ADAM29: variants seen among roughly 807,000 people sequenced by gnomAD.
The protein encoded by ADAM29 is ADAM metallopeptidase domain 29.
For synonymous variants in ADAM29, 367 were observed against 342.3 expected, an observed-to-expected ratio of 1.07 and a Z score of -0.80; for missense variants, 969 against 1,001.8, an observed-to-expected ratio of 0.97 and a Z score of 0.44.
chr4:174,930,414 A>G (rs191985387), intron 2 of ADAM29, among the ~76,000 whole-genome samples: 249 of 152,278 alleles, frequency 1.6e-3, no homozygotes, highest in Non-Finnish European at 3.2e-3. Context: ...TCTTGTGAAA[A>G]AGGCCCTAGC....
intron 2 of ADAM29, among the ~76,000 whole-genome samples, chr4:174,930,449 A>C (rs1743798319): frequency 6.6e-6 from 1 of 152,146 alleles, no homozygotes; most frequent in Non-Finnish European, 1.5e-5. Context: ...CTGCTTACTG[A>C]TTATTTAATG....
intron 4 of ADAM29, among the ~76,000 whole-genome samples, chr4:174,953,290 C>CAA (rs924868173): frequency 2.7e-5 from 4 of 149,890 alleles, no homozygotes; most frequent in Non-Finnish European, 4.5e-5. Flanking sequence ...TGTCTAAAAA[C>CAA]AAAAAAAAAG....
intron 1 of ADAM29, among the ~76,000 whole-genome samples, chr4:174,920,089 A>T (rs114508375): frequency 2.6e-5 from 4 of 152,202 alleles, no homozygotes; most frequent in African/African-American, 4.8e-5. Context: ...CTGCGTCATC[A>T]TGAATCATGT....
At chr4:174,936,831 G>T (rs1744231618) in intron 3 of ADAM29, 102 bp from the exon 4 acceptor site, 2 of 151,786 alleles carry the variant, frequency 1.3e-5, no homozygotes, top group Middle Eastern at 3.2e-3. Flanking sequence ...TTTGGAGAGT[G>T]ATCTCGTTCA....
chr4:174,965,212 G>A (rs1746077287), intron 4 of ADAM29, among the ~76,000 whole-genome samples: 1 of 151,174 alleles, frequency 6.6e-6, no homozygotes, highest in African/African-American at 2.4e-5. Flanking sequence ...AAGCAGAAGG[G>A]TGCAAAAAGA....
In ADAM29 at chr4:174,931,024, T is replaced by C. The variant is rs1290291532; in HGVS notation, c.-412T>C. 7 of 152,146 alleles carry C rather than the reference T, an allele frequency of 4.6e-5. No individual in the cohort carries two copies. The South Asian group carries it at 1.5e-3, about 32-fold the overall frequency. 9.4% of individuals were successfully genotyped at this position (152,146 alleles called of 1,614,324 possible). A position where few individuals can be genotyped will look rare whatever the true frequency, so the allele number is the denominator to read the frequency against. On this transcript the variant is annotated 5_prime_UTR_variant, in exon 3 of 5. Transcript: ENST00000359240. The stretch of plus-strand genomic sequence containing the variant: ...ACATTCTCCCTGCAGTCTCACGAAC[T>C]GTGAACAAAAACTGAAGTGAAAACT...
intron 2 of ADAM29, among the ~76,000 whole-genome samples, chr4:174,923,525 GTATATA>G (rs58980378): frequency 0.049 from 4,728 of 96,544 alleles, 99 homozygotes; most frequent in South Asian, 0.058. Context: ...TGCATTATAT[GTATATA>G]TATATATATA....
At chr4:174,959,306 T>A (rs1210491157) in intron 4 of ADAM29, among the ~76,000 whole-genome samples, 1 of 151,940 alleles carries the variant, frequency 6.6e-6, no homozygotes, top group Non-Finnish European at 1.5e-5. Context: ...TTGTTTTCAT[T>A]ATTTTAGGGG....
chr4:174,972,734 G>C (rs765332044), intron 4 of ADAM29, among the ~76,000 whole-genome samples: 2 of 152,118 alleles, frequency 1.3e-5, no homozygotes, highest in African/African-American at 4.8e-5. Context: ...ACTGTGATAG[G>C]CCTCTCAGAG....
chr4:174,975,369 T>C lies in ADAM29; in HGVS notation c.-157T>C, dbSNP rs575928227. The C allele has an allele frequency of 3.5e-4, 193 of 553,748 alleles. No homozygotes were observed. The highest frequency in any genetic ancestry group is 4.8e-4 in the Non-Finnish European group (170 of 351,088). The allele number at this position is 553,748 out of a possible 1,614,324, so 34.3% of individuals were successfully genotyped here. ...AGTGCTGCAGCTCTGATGGTTCAACTCTGCCAAAAGATGGATCTTTAATGA... is the reference window on the plus strand; with the variant it reads ...AGTGCTGCAGCTCTGATGGTTCAACCCTGCCAAAAGATGGATCTTTAATGA... On this transcript the variant is annotated 5_prime_UTR_variant, in exon 5 of 5. Transcript: ENST00000359240.
intron 2 of ADAM29, among the ~76,000 whole-genome samples, chr4:174,924,824 C>T (rs1043416534): frequency 5.9e-5 from 9 of 152,128 alleles, no homozygotes; most frequent in Non-Finnish European, 1.2e-4. Flanking sequence ...TCCACTTCTT[C>T]CATGTGGGCT....
intron 2 of ADAM29, among the ~76,000 whole-genome samples, chr4:174,921,613 T>C (rs1743169961): frequency 6.6e-6 from 1 of 152,208 alleles, no homozygotes; most frequent in Non-Finnish European, 1.5e-5. Context: ...ACCTTAAGGA[T>C]AGTGGCTAAC....
chr4:174,969,866 A>G (rs1316516480), intron 4 of ADAM29, among the ~76,000 whole-genome samples: 1 of 152,006 alleles, frequency 6.6e-6, no homozygotes, highest in Non-Finnish European at 1.5e-5. Context: ...TTTCCCATAA[A>G]TATTTGATTA....
chr4:174,936,896 A>T (rs1369170064), intron 3 of ADAM29, 37 bp from the exon 4 acceptor site: 2 of 152,026 alleles, frequency 1.3e-5, no homozygotes, highest in East Asian at 3.8e-4. Flanking sequence ...ATCATCTGTG[A>T]TAATATTTTA....
intron 2 of ADAM29, among the ~76,000 whole-genome samples, chr4:174,927,168 GT>G (rs1299507873): frequency 6.6e-6 from 1 of 152,120 alleles, no homozygotes; most frequent in African/African-American, 2.4e-5. Context: ...TTAGGAAATA[GT>G]ACAGCCCATT....
chr4:174,965,008 G>C (rs891957985), intron 4 of ADAM29, among the ~76,000 whole-genome samples: 4 of 152,134 alleles, frequency 2.6e-5, no homozygotes, highest in Non-Finnish European at 5.9e-5. Flanking sequence ...GCAATTATTA[G>C]TTACTGACTC....
At chr4:174,968,174 A>G (rs1746258522) in intron 4 of ADAM29, among the ~76,000 whole-genome samples, 1 of 152,046 alleles carries the variant, frequency 6.6e-6, no homozygotes, top group African/African-American at 2.4e-5. Context: ...TTTTCTTTTG[A>G]GTTAAAATAT....
At chr4:174,930,459 G>C (rs913597037) in intron 2 of ADAM29, among the ~76,000 whole-genome samples, 1 of 152,040 alleles carries the variant, frequency 6.6e-6, no homozygotes, top group Non-Finnish European at 1.5e-5. Context: ...ATTATTTAAT[G>C]AACAAATGGA....
In ADAM29 at chr4:174,977,170, G is replaced by A. The variant is rs1354397394; in HGVS notation, c.1645G>A (p.Val549Ile). 1.2e-6 allele frequency: 2 copies of A among 1,613,996 alleles called. No homozygotes were observed. The highest frequency in any genetic ancestry group is 1.1e-5 in the South Asian group (1 of 91,082). ...ATATATAAAGTGTAATATCTCAGAT[G>A]TCCAGTGTGGAAGAATTCAGTGTGA... ...ATYIKCNISD[V>I]QCGRIQCENV... is the part of the protein sequence containing the mutation. The change falls in exon 5 of 5, where the codon GTC becomes ATC. Residue 549 changes from valine to isoleucine, a missense_variant. By Grantham distance (29) the Val-to-Ile change is conservative. Transcript: ENST00000359240.
Sources: gnomAD v4.1 joint callset for allele counts (sites outside exome capture counted in the v4.1 genomes callset) on GRCh38, gnomAD v4.1.1 for gene constraint, MANE v1.5 for transcripts, NCBI Gene and HGNC (gene_info 2026-07-23, HGNC 2026-07-21) for gene names.